Variants in PCDHGA1 observed in about 807,000 individuals in gnomAD.
PCDHGA1 encodes the protein protocadherin gamma-A1.
In PCDHGA1, 32 loss-of-function variants were observed where a neutral mutation model predicts 58.0. The ratio of observed to expected loss-of-function variants is 0.55; its 90% CI spans 0.42 to 0.74. The LOEUF is 0.74. Among genes scored for constraint, PCDHGA1 ranks in the 30% least tolerant of loss-of-function variants. The pLI, the probability that PCDHGA1 is intolerant of heterozygous loss-of-function variation, is 0.00. For synonymous variants in PCDHGA1, 498 were observed against 501.1 expected (o/e 0.99, Z 0.08); for missense variants, 1,205 against 1,182.3 (o/e 1.02, Z -0.28).
chr5:141,432,482 G>T lies in PCDHGA1; in HGVS notation c.2422-62325G>T, dbSNP rs768206517. 2.5e-6 allele frequency: 4 copies of T among 1,614,060 alleles called. No individual in the cohort carries two copies. Among genetic ancestry groups the T allele is most frequent in the Non-Finnish European group, 3.4e-6 (4 of 1,180,052 alleles). ...CCTCCCCACGGACGGTTCCACTGGC[G>T]TGGAGCTGGCTCCCCGCTCCGCAGA... On this transcript the variant is annotated intron_variant, in intron 1 of 3. Transcript: ENST00000517417. The surrounding 1 kb of genome is among the most constrained non-coding windows in gnomAD (Gnocchi z 6.0).
chr5:141,494,074 C>A (rs2099751716), intron 1 of PCDHGA1, among the ~76,000 whole-genome samples: 1 of 152,180 alleles, frequency 6.6e-6, no homozygotes, highest in Non-Finnish European at 1.5e-5. Context: ...GGATCCCTCC[C>A]CGCTGCATCC....
At chr5:141,444,865 G>A (rs1038923777) in intron 1 of PCDHGA1, among the ~76,000 whole-genome samples, 1 of 152,098 alleles carries the variant, frequency 6.6e-6, no homozygotes, top group Non-Finnish European at 1.5e-5. Flanking sequence ...TCTTACTACA[G>A]GACAAAGCTT....
chr5:141,360,658 A>G, intron 1 of PCDHGA1: 1 of 1,613,590 alleles, frequency 6.2e-7, no homozygotes, highest in South Asian at 1.1e-5. Flanking sequence ...CCTTAATGAC[A>G]ACGAGTACTT....
rs570809952 is a variant in PCDHGA1 at position 141,463,609 on chromosome 5, C to T, written c.2422-31198C>T. 4.6e-5 allele frequency among the ~76,000 whole-genome samples: 7 copies of T among 151,964 alleles called. No homozygotes were observed. In the East Asian group the frequency reaches 9.7e-4, roughly 21 times the overall value. The stretch of plus-strand genomic sequence containing the variant: ...GACTACAGGTGCCTGCCACCATGCC[C>T]GGCTAATTTTTTGTATTTTGTTTAG... On this transcript the variant is annotated intron_variant, in intron 1 of 3. Coordinates refer to ENST00000517417, the MANE Select transcript of PCDHGA1 (RefSeq NM_018912.3).
intron 1 of PCDHGA1, chr5:141,370,212 C>T (rs1028005275): frequency 4.8e-5 from 27 of 562,604 alleles, no homozygotes; most frequent in Middle Eastern, 4.6e-4. Context: ...ATATTGGCTC[C>T]TCCCGCTGCA....
At chr5:141,452,524 C>T (rs542476667) in intron 1 of PCDHGA1, among the ~76,000 whole-genome samples, 83 of 152,294 alleles carry the variant, frequency 5.4e-4, no homozygotes, top group African/African-American at 1.9e-3. Flanking sequence ...CCCTCAAAAT[C>T]GTGAGTTCAT....
rs754935227 is a variant in PCDHGA1 at position 141,395,069 on chromosome 5, C to G, written c.2421+61964C>G. The G allele has an allele frequency of 3.7e-6, 6 of 1,614,006 alleles. No homozygotes were observed. In the African/African-American group the frequency reaches 8.0e-5, roughly 22 times the overall value. ...AGGAGGTACAGGCTTTCCTGCAGAC[C>G]TATTCCCAGGAAGTCTCCCTCACCG... On this transcript the variant is annotated intron_variant, in intron 1 of 3. Transcript: ENST00000517417.
At chr5:141,393,912 G>A (rs1430302094) in intron 1 of PCDHGA1, 1 of 1,613,924 alleles carries the variant, frequency 6.2e-7, no homozygotes. Context: ...GACAGTAATT[G>A]CCTTCTTGAG....
At chr5:141,372,540 C>T (rs1208837944) in intron 1 of PCDHGA1, 2 of 1,614,012 alleles carry the variant, frequency 1.2e-6, no homozygotes, top group Non-Finnish European at 1.7e-6. Flanking sequence ...CCTGCGCCTG[C>T]GATGCTCCTC....
intron 2 of PCDHGA1, among the ~76,000 whole-genome samples, chr5:141,498,967 G>A (rs896386012): frequency 1.5e-5 from 2 of 129,584 alleles, no homozygotes. Context: ...GAGGGAGGGA[G>A]GGAGGGAAGG....
Position 141,491,329 on chromosome 5 carries a change from G to A in PCDHGA1, c.2422-3478G>A. The A allele has an allele frequency of 6.2e-7, 1 of 1,614,142 alleles. No individual in the cohort carries two copies. Among genetic ancestry groups the A allele is most frequent in the Non-Finnish European group, 8.5e-7 (1 of 1,180,022 alleles). On this transcript the variant is annotated intron_variant, in intron 1 of 3. Coordinates refer to ENST00000517417, the MANE Select transcript of PCDHGA1 (RefSeq NM_018912.3). The surrounding 1 kb of genome is among the most constrained non-coding windows in gnomAD (Gnocchi z 6.9). ...AGACCTTACCCTTTACCTCATTGTG[G>A]CTCTAGCGACCGTCAGTCTCTTATC...
rs371139792 is a variant in PCDHGA1 at position 141,490,160 on chromosome 5, C to A, written c.2422-4647C>A. On this transcript the variant is annotated intron_variant, in intron 1 of 3. Transcript: ENST00000517417. This position sits in a 1 kb window ranked among gnomAD's most constrained non-coding sequence, Gnocchi z 5.4. The stretch of plus-strand genomic sequence containing the variant: ...AGTGGGGCAATCCATGTGTTGGGTC[C>A]CATAGACTTTGAGGAGTCACGTTTC... The A allele has an allele frequency of 5.6e-6, 9 of 1,614,192 alleles. No homozygotes were observed. The highest frequency in any genetic ancestry group is 7.6e-6 in the Non-Finnish European group (9 of 1,180,016).
chr5:141,408,667 C>T, intron 1 of PCDHGA1: 1 of 1,613,954 alleles, frequency 6.2e-7, no homozygotes, highest in Non-Finnish European at 8.5e-7. Flanking sequence ...TATCGCTTGA[C>T]CCTGCCACGG....
Position 141,346,624 on chromosome 5 carries a change from C to G in PCDHGA1, c.2421+13519C>G, listed in dbSNP as rs968962434. ...TGGGCCTATAGTAGGACTGCACTCC[C>G]CGGTCTGGTTATGGTTGAGTGGGCT... On this transcript the variant is annotated intron_variant, in intron 1 of 3. Coordinates refer to ENST00000517417, the MANE Select transcript of PCDHGA1 (RefSeq NM_018912.3). The G allele has an allele frequency of 1.2e-5, 12 of 1,031,578 alleles. 1 individual carries two copies. Among genetic ancestry groups the G allele is most frequent in the African/African-American group, 4.9e-5 (3 of 61,630 alleles). 63.9% of individuals were successfully genotyped at this position (1,031,578 alleles called of 1,614,324 possible).
intron 1 of PCDHGA1, chr5:141,402,829 T>C: frequency 7.5e-7 from 1 of 1,342,036 alleles, no homozygotes; most frequent in Non-Finnish European, 9.8e-7. Flanking sequence ...GCTCCCAGGC[T>C]GCAGCAAAAC....
chr5:141,337,634 A>G (rs1286016624), intron 1 of PCDHGA1, among the ~76,000 whole-genome samples: 1 of 152,208 alleles, frequency 6.6e-6, no homozygotes, highest in Non-Finnish European at 1.5e-5. Context: ...GGCAATGGGG[A>G]GTTGCTATTT....
chr5:141,336,049 T>TA (rs940839925), intron 1 of PCDHGA1, among the ~76,000 whole-genome samples: 1 of 151,770 alleles, frequency 6.6e-6, no homozygotes, highest in Non-Finnish European at 1.5e-5. Flanking sequence ...AGAAGTAAGA[T>TA]AAAAAACATA....
At position 141,384,585 on chromosome 5, in the gene PCDHGA1, C is replaced by T. The variant is rs545796754; in HGVS notation, c.2421+51480C>T. 4.3e-6 allele frequency: 7 copies of T among 1,614,246 alleles called. No individual in the cohort carries two copies. In the African/African-American group the frequency reaches 6.7e-5, roughly 15 times the overall value. ...ACCAGAATGACAACCCGCCCGAGAT[C>T]CTGTACCCGGCCCTCCCCACAGATG... On this transcript the variant is annotated intron_variant, in intron 1 of 3. Coordinates refer to ENST00000517417, the MANE Select transcript of PCDHGA1 (RefSeq NM_018912.3).
At position 141,476,011 on chromosome 5, in the gene PCDHGA1, A is replaced by C. The variant is rs1415142555; in HGVS notation, c.2422-18796A>C. On this transcript the variant is annotated intron_variant, in intron 1 of 3. Coordinates refer to ENST00000517417, the MANE Select transcript of PCDHGA1 (RefSeq NM_018912.3). This position sits in a 1 kb window ranked among gnomAD's most constrained non-coding sequence, Gnocchi z 7.6. The stretch of plus-strand genomic sequence containing the variant: ...GCAAATCAACGGCATCCAGAAAGCC[A>C]TGTCGGACTCGGCGCCCAGCGCCCA... 2.3e-6 allele frequency: 3 copies of C among 1,311,164 alleles called. No homozygotes were observed. Among genetic ancestry groups the C allele is most frequent in the African/African-American group, 1.5e-5 (1 of 68,020 alleles). 81.2% of individuals were successfully genotyped at this position (1,311,164 alleles called of 1,614,324 possible).
Sources: allele counts gnomAD v4.1 joint callset (sites outside exome capture counted in the v4.1 genomes callset), GRCh38; gene constraint gnomAD v4.1.1; non-coding constraint Gnocchi (gnomAD v3.1); transcripts MANE v1.5; gene names NCBI Gene and HGNC (gene_info 2026-07-23, HGNC 2026-07-21).